Variants in DNAH6 observed in about 807,000 individuals in gnomAD.
DNAH6 encodes axonemal beta dynein heavy chain 6.
Under a neutral mutation model 491.4 loss-of-function variants are expected in DNAH6, and 340 were observed. The observed-to-expected ratio is 0.69, with a 90% CI of 0.63 to 0.76. DNAH6 has a LOEUF of 0.76. Among genes scored for constraint, DNAH6 ranks in the 30% least tolerant of loss-of-function variants. The pLI, the probability that DNAH6 is intolerant of heterozygous loss-of-function variation, is 0.00. For missense variants in DNAH6, 4,443 were observed against 4,972.2 expected (o/e 0.89, Z 3.20); for synonymous variants, 1,603 against 1,686.1 (o/e 0.95, Z 1.21).
rs1267385569 is a variant in DNAH6 at position 84,544,550 on chromosome 2, AGTGTGAATC to A, written c.930+51_930+59del. On this transcript the variant is annotated intron_variant, in intron 5 of 76. Coordinates refer to ENST00000389394, the MANE Select transcript of DNAH6 (RefSeq NM_001370.2). ...AAAATAATTACTTACAAAAAAAGAA[AGTGTGAATC>A]TATTAAGCTGTTGGTATAGACTGTT... The A allele has an allele frequency of 2.8e-6, 3 of 1,077,830 alleles. No individual in the cohort carries two copies. The African/African-American group carries it at 4.7e-5, about 17-fold the overall frequency. The allele number at this position is 1,077,830 out of a possible 1,614,324, so 66.8% of individuals were successfully genotyped here.
intron 15 of DNAH6, among the ~76,000 whole-genome samples, chr2:84,588,153 T>G (rs191481963): frequency 1.3e-5 from 2 of 152,216 alleles, no homozygotes; most frequent in Admixed American, 6.5e-5. Flanking sequence ...AAGCCCCTTC[T>G]TCCTGGACAC....
At chr2:84,600,966 C>CTATATTATTATTATACTATAATAATAAT (rs1253633767) in intron 18 of DNAH6, among the ~76,000 whole-genome samples, 1,546 of 143,472 alleles carry the variant, frequency 0.011, 26 homozygotes, top group African/African-American at 0.038. Flanking sequence ...GGAATAATAA[C>CTATATTATTATTATACTATAATAATAAT]ACTATATTAT....
intron 11 of DNAH6, among the ~76,000 whole-genome samples, chr2:84,563,387 G>A (rs929793922): frequency 1.3e-5 from 2 of 152,034 alleles, no homozygotes; most frequent in African/African-American, 4.8e-5. Context: ...AGCCTCCCTA[G>A]GTATGGAGAA....
chr2:84,777,445 G>T, intron 64 of DNAH6: 1 of 602,728 alleles, frequency 1.7e-6, no homozygotes, highest in South Asian at 1.9e-5. Flanking sequence ...TGGAAATTAG[G>T]TGCAACCGCC....
chr2:84,749,954 A>T (rs1344927155), intron 63 of DNAH6, among the ~76,000 whole-genome samples: 1 of 152,198 alleles, frequency 6.6e-6, no homozygotes, highest in Non-Finnish European at 1.5e-5. Flanking sequence ...AGGAGACAAA[A>T]TAATCTCTAT....
At chr2:84,566,219 A>G (rs1010094670) in intron 11 of DNAH6, among the ~76,000 whole-genome samples, 5 of 151,986 alleles carry the variant, frequency 3.3e-5, no homozygotes, top group African/African-American at 1.2e-4. Flanking sequence ...TACCAAAGAA[A>G]TACTCCACAA....
At chr2:84,515,611 G>A (rs1011941316), upstream of DNAH6, among the ~76,000 whole-genome samples, 1 of 152,198 alleles carries the variant, frequency 6.6e-6, no homozygotes, top group Non-Finnish European at 1.5e-5. Flanking sequence ...CAACCGAAAA[G>A]AGCAAAAGAA....
chr2:84,490,800 G>A, the DNAH6 span, among the ~76,000 whole-genome samples: 1 of 152,052 alleles, frequency 6.6e-6, no homozygotes, highest in Non-Finnish European at 1.5e-5. Context: ...AACCTCAAGT[G>A]ATCCACCCAC....
At chr2:84,746,673 T>C (rs959269192) in intron 63 of DNAH6, among the ~76,000 whole-genome samples, 1 of 152,198 alleles carries the variant, frequency 6.6e-6, no homozygotes, top group African/African-American at 2.4e-5. Flanking sequence ...TGCTATGTTG[T>C]AGGATTTTCT....
At chr2:84,786,615 A>C (rs1047505809) in intron 67 of DNAH6, among the ~76,000 whole-genome samples, 17 of 152,118 alleles carry the variant, frequency 1.1e-4, no homozygotes, top group Non-Finnish European at 2.2e-4. Flanking sequence ...GGAACTTGGA[A>C]TCAAACCTCT....
At chr2:84,517,202 G>A (rs1250606309) in intron 1 of DNAH6, among the ~76,000 whole-genome samples, 1 of 152,138 alleles carries the variant, frequency 6.6e-6, no homozygotes, top group Non-Finnish European at 1.5e-5. Flanking sequence ...AGTGTGCGTG[G>A]TGGTGCAGAG....
chr2:84,496,250 T>C, the DNAH6 span, among the ~76,000 whole-genome samples: 2 of 152,226 alleles, frequency 1.3e-5, no homozygotes, highest in Admixed American at 1.3e-4. Context: ...CTTTAAGCCT[T>C]CTTATGCTAA....
At chr2:84,741,094 G>A (rs578239812) in intron 62 of DNAH6, among the ~76,000 whole-genome samples, 2 of 152,286 alleles carry the variant, frequency 1.3e-5, no homozygotes, top group Admixed American at 1.3e-4. Context: ...GAGGAGTGTG[G>A]TCCACTCAAG....
chr2:84,595,584 T>G, intron 17 of DNAH6, 62 bp from the exon 18 acceptor site: 1 of 1,432,604 alleles, frequency 7.0e-7, no homozygotes, highest in Non-Finnish European at 9.3e-7. Context: ...TTTTTAGTAT[T>G]TCAAACCTGA....
At chr2:84,487,963 G>A in the DNAH6 span, among the ~76,000 whole-genome samples, 1 of 152,078 alleles carries the variant, frequency 6.6e-6, no homozygotes, top group African/African-American at 2.4e-5. Flanking sequence ...ATTTGTACAT[G>A]TCAAAGCTGT....
chr2:84,818,069 G>A (rs1337061245), intron 76 of DNAH6, among the ~76,000 whole-genome samples: 1 of 152,102 alleles, frequency 6.6e-6, no homozygotes, highest in Non-Finnish European at 1.5e-5. Flanking sequence ...AGTAAGGAGA[G>A]GGGACCAACA....
chr2:84,681,996 A>G (rs1472048734), intron 42 of DNAH6, among the ~76,000 whole-genome samples: 1 of 66,550 alleles, frequency 1.5e-5, no homozygotes, highest in Non-Finnish European at 3.7e-5. Context: ...CATACCTCCC[A>G]TCTTAAAAAA....
At chr2:84,542,642 T>C (rs1230005539) in intron 4 of DNAH6, among the ~76,000 whole-genome samples, 1 of 152,160 alleles carries the variant, frequency 6.6e-6, no homozygotes, top group East Asian at 1.9e-4. Flanking sequence ...TTCATTCTGG[T>C]CCCGTGTGCC....
At chr2:84,660,979 A>G (rs1691445997) in intron 37 of DNAH6, among the ~76,000 whole-genome samples, 1 of 152,152 alleles carries the variant, frequency 6.6e-6, no homozygotes, top group Admixed American at 6.5e-5. Flanking sequence ...AAATTATATT[A>G]TTGGAAAAAA....
Sources: gnomAD v4.1 joint callset for allele counts (sites outside exome capture counted in the v4.1 genomes callset) on GRCh38, gnomAD v4.1.1 for gene constraint, MANE v1.5 for transcripts, NCBI Gene and HGNC (gene_info 2026-07-23, HGNC 2026-07-21) for gene names.